The following TRIM31 variants were observed in gnomAD, a reference collection of about 807,000 sequenced individuals.
The protein encoded by TRIM31 is tripartite motif containing 31, also known as E3 ubiquitin-protein ligase TRIM31.
Under a neutral mutation model 40.6 loss-of-function variants are expected in TRIM31, and 31 were observed. The ratio of observed to expected loss-of-function variants is 0.76; its 90% CI spans 0.57 to 1.03. TRIM31 has a LOEUF of 1.03. Ranked by LOEUF, TRIM31 falls within the 50% of genes least tolerant of loss-of-function variation. The pLI is 0.00. For missense variants in TRIM31, 455 were observed against 497.5 expected (o/e 0.91, Z 0.81); for synonymous variants, 164 against 193.9 (o/e 0.85, Z 1.28).
intron 5 of TRIM31, 165 bp from the exon 6 acceptor site, chr6:30,108,333 T>G (rs1384747911): frequency 3.4e-6 from 2 of 587,800 alleles, no homozygotes; most frequent in Non-Finnish European, 6.1e-6. Flanking sequence ...CTGAGGCGGG[T>G]GGATCACCTG....
At chr6:30,106,253 G>C (rs1484251080) in intron 6 of TRIM31, among the ~76,000 whole-genome samples, 1 of 152,222 alleles carries the variant, frequency 6.6e-6, no homozygotes, top group Non-Finnish European at 1.5e-5. Flanking sequence ...AGCGTGGGTA[G>C]CTTCCCTGAG....
At chr6:30,109,124 G>A in intron 4 of TRIM31, 76 bp from the exon 5 acceptor site, 1 of 1,488,374 alleles carries the variant, frequency 6.7e-7, no homozygotes, top group South Asian at 1.1e-5. Context: ...TACAGAGCCT[G>A]CTGGGTGTGG....
chr6:30,106,349 A>G (rs1341359848), intron 6 of TRIM31, among the ~76,000 whole-genome samples: 1 of 152,152 alleles, frequency 6.6e-6, no homozygotes, highest in East Asian at 1.9e-4. Context: ...CATAGGAAAC[A>G]CTGCCTGGGA....
chr6:30,111,208 C>CTT (rs567538088), intron 3 of TRIM31: 1,681 of 164,318 alleles, frequency 0.01, 24 homozygotes, highest in African/African-American at 0.034. Flanking sequence ...AGTTTTCTTT[C>CTT]TTTTTTTTTT....
chr6:30,108,691 G>T (rs1204655358), intron 5 of TRIM31: 1 of 484,034 alleles, frequency 2.1e-6, no homozygotes, highest in Non-Finnish European at 3.7e-6. Flanking sequence ...ATGAAGATGG[G>T]AGATGGAGAC....
In TRIM31 at chr6:30,103,385, ACT is replaced by A; in HGVS notation, c.*149_*150del. The A allele has an allele frequency of 1.9e-6, 2 of 1,048,220 alleles. No individual in the cohort carries two copies. The highest frequency in any genetic ancestry group is 3.1e-5 in the South Asian group (2 of 65,302). 64.9% of individuals were successfully genotyped at this position (1,048,220 alleles called of 1,614,324 possible). A position where few individuals can be genotyped will look rare whatever the true frequency, so the allele number is the denominator to read the frequency against. ...CACCACCACCCCCGCCCCCATCTCC[ACT>A]CTCAGTAGCCCGAGCCCTCCCATTC... On this transcript the variant is annotated 3_prime_UTR_variant, in exon 9 of 9. Coordinates refer to ENST00000376734, the MANE Select transcript of TRIM31 (RefSeq NM_007028.5).
intron 5 of TRIM31, among the ~76,000 whole-genome samples, chr6:30,108,559 C>CAAAAAAAAAAAAAAAAAAAAAAAAA (rs28381623): frequency 1.0e-5 from 1 of 96,610 alleles, no homozygotes. Flanking sequence ...AGCTCCATCT[C>CAAAAAAAAAAAAAAAAAAAAAAAAA]AAAAAAAAAA....
At chr6:30,108,923 T>A in intron 5 of TRIM31, 103 bp downstream of exon 5, 2 of 1,208,008 alleles carry the variant, frequency 1.7e-6, no homozygotes, top group South Asian at 2.4e-5. Flanking sequence ...TAGAGGTGGG[T>A]GGGTATTTCT....
Position 30,112,857 on chromosome 6 carries a change from A to G in TRIM31, c.-52T>C, listed in dbSNP as rs1382562091. On this transcript the variant is annotated 5_prime_UTR_variant, in exon 2 of 9. Coordinates refer to ENST00000376734, the MANE Select transcript of TRIM31 (RefSeq NM_007028.5). ...CTGTAGGAAGCTGTGCCAAGTCTGTAGGAGCCCCGGAGTCCACTGTGGATA... is the reference window on the plus strand; with the variant it reads ...CTGTAGGAAGCTGTGCCAAGTCTGTGGGAGCCCCGGAGTCCACTGTGGATA... 2 of 1,532,670 alleles carry G rather than the reference A, an allele frequency of 1.3e-6. No homozygotes were observed. Among genetic ancestry groups the G allele is most frequent in the African/African-American group, 1.4e-5 (1 of 72,414 alleles). 94.9% of individuals were successfully genotyped at this position (1,532,670 alleles called of 1,614,324 possible). A position where few individuals can be genotyped will look rare whatever the true frequency, so the allele number is the denominator to read the frequency against.
rs762320186 is a variant in TRIM31, at chr6:30,103,761, A to G, written c.1053T>C (p.Asn351=). The G allele has an allele frequency of 2.5e-6, 4 of 1,612,960 alleles. No individual in the cohort carries two copies. Among genetic ancestry groups the G allele is most frequent in the Non-Finnish European group, 3.4e-6 (4 of 1,180,010 alleles). Residue 351 remains asparagine (N), a synonymous_variant, in exon 9 of 9, where the codon AAT becomes AAC. Coordinates refer to ENST00000376734, the MANE Select transcript of TRIM31 (RefSeq NM_007028.5). ...AGTGGGATGGGGCTGAAGAGTGGTGATTTGGTGGCCCCGATGTAGTTCTGC... is the reference window on the plus strand; with the variant it reads ...AGTGGGATGGGGCTGAAGAGTGGTGGTTTGGTGGCCCCGATGTAGTTCTGC... ...AGGRTTSGPP[N]HHSSAPSHSL...
rs1481460150 is a variant in TRIM31, at chr6:30,107,352, T to A, written c.883+701A>T. 2.3e-5 allele frequency among the ~76,000 whole-genome samples: 3 copies of A among 130,892 alleles called. No homozygotes were observed. In the Admixed American group the frequency reaches 2.7e-4, roughly 12 times the overall value. 85.9% of individuals were successfully genotyped at this position (130,892 alleles called of 152,430 possible). A position where few individuals can be genotyped will look rare whatever the true frequency, so the allele number is the denominator to read the frequency against. On this transcript the variant is annotated intron_variant, in intron 6 of 8. Coordinates refer to ENST00000376734, the MANE Select transcript of TRIM31 (RefSeq NM_007028.5). ...CCGTAGTCCCAAGGGGAAGTGTTTG[T>A]GTATGGGGGGCTGGGGGTTGGGGTG...
Position 30,112,573 on chromosome 6 carries a change from A to G in TRIM31, c.233T>C (p.Ile78Thr). ...CACCTCAGAGGCTTGTAGAGCTTGG[A>G]TTTTCTCCACCAGATTCCGCAACAG... is the stretch of plus-strand genomic sequence containing the variant. The part of the protein sequence containing the change: ...NSLLRNLVEK[I>T]QALQASEVQS... Residue 78 changes from isoleucine to threonine, a missense_variant, in exon 2 of 9, where the codon ATC (isoleucine) becomes ACC (threonine). Transcript: ENST00000376734. The G allele has an allele frequency of 6.2e-7, 1 of 1,612,866 alleles. No individual in the cohort carries two copies. The highest frequency in any genetic ancestry group is 1.1e-5 in the South Asian group (1 of 91,058).
Position 30,109,047 on chromosome 6 carries a change from T to G in TRIM31, c.746A>C (p.Asp249Ala). 2 of 1,612,948 alleles carry G rather than the reference T, an allele frequency of 1.2e-6. No homozygotes were observed. Among genetic ancestry groups the G allele is most frequent in the Non-Finnish European group, 1.7e-6 (2 of 1,180,016 alleles). Residue 249 changes from aspartate (D) to alanine (A), a missense_variant and splice_region_variant, in exon 5 of 9, where the codon GAT (aspartate) becomes GCT (alanine). Coordinates refer to ENST00000376734, the MANE Select transcript of TRIM31 (RefSeq NM_007028.5). ...ATACCTGCACAAGACGACTTTGATA[T>G]CCTAGAAGAGAAAGAGAAACAGCAC... Reference protein sequence around the residue: ...QNMPPRQLLEDIKVVLCRSEE... With the variant: ...QNMPPRQLLEAIKVVLCRSEE...
intron 2 of TRIM31, 132 bp from the exon 3 acceptor site, chr6:30,111,875 C>T (rs946462129): frequency 1.2e-6 from 1 of 808,992 alleles, no homozygotes; most frequent in Non-Finnish European, 2.0e-6. Flanking sequence ...ACTCGCCTTT[C>T]TCAAGCTGGC....
chr6:30,111,481 A>C (rs1769310907), intron 3 of TRIM31, 167 bp downstream of exon 3: 1 of 643,952 alleles, frequency 1.6e-6, no homozygotes, highest in Non-Finnish European at 2.7e-6. Flanking sequence ...TGTAATAGCG[A>C]GGCCGACGCG....
In TRIM31 at chr6:30,110,554, G is replaced by A. The variant is rs779017353; in HGVS notation, c.638C>T (p.Ala213Val). The change falls in exon 4 of 9, where the codon GCG (alanine) becomes GTG (valine). Residue 213 changes from alanine to valine, a missense_variant. Transcript: ENST00000376734. Reference protein sequence around the residue: ...IYWLGHEGTEAGKHYVASTEP... With the variant: ...IYWLGHEGTEVGKHYVASTEP... ...AGTGGAGGCAACATAGTGTTTCCCC[G>A]CTTCCGTTCCCTCATGACCCAGCCA... 19 of 1,614,014 alleles carry A rather than the reference G, an allele frequency of 1.2e-5. No individual in the cohort carries two copies. Among genetic ancestry groups the A allele is most frequent in the African/African-American group, 6.7e-5 (5 of 74,892 alleles).
At chr6:30,104,446 C>T (rs931938504) in intron 7 of TRIM31, among the ~76,000 whole-genome samples, 2 of 152,142 alleles carry the variant, frequency 1.3e-5, no homozygotes, top group Non-Finnish European at 2.9e-5. Context: ...TTCTAAACAC[C>T]GGTAGCTCCT....
chr6:30,103,313 C>T lies in TRIM31; in HGVS notation c.*223G>A. 1 of 693,248 alleles carries T rather than the reference C, an allele frequency of 1.4e-6. No homozygotes were observed. Among genetic ancestry groups the T allele is most frequent in the Non-Finnish European group, 2.4e-6 (1 of 413,902 alleles). 42.9% of individuals were successfully genotyped at this position (693,248 alleles called of 1,614,324 possible). ...GGCGGGTGGCTGGAGATTGTCTCTT[C>T]CCCTCCTTTTGCTCAAGAATTCGTC... On this transcript the variant is annotated 3_prime_UTR_variant, in exon 9 of 9. Coordinates refer to ENST00000376734, the MANE Select transcript of TRIM31 (RefSeq NM_007028.5).
chr6:30,110,534 A>T lies in TRIM31; in HGVS notation c.658T>A (p.Ser220Thr). The change falls in exon 4 of 9, where the codon TCC (serine) becomes ACC (threonine). Residue 220 changes from serine to threonine, a missense_variant. By Grantham distance (58) the Ser-to-Thr change is moderately conservative. Transcript: ENST00000376734. ...AGATCGTTCAACTGTGGCTCAGTGG[A>T]GGCAACATAGTGTTTCCCCGCTTCC... ...GTEAGKHYVASTEPQLNDLKK... is the reference protein window; with the variant it reads ...GTEAGKHYVATTEPQLNDLKK... 6 of 1,614,164 alleles carry T rather than the reference A, an allele frequency of 3.7e-6. No homozygotes were observed. The highest frequency in any genetic ancestry group is 5.1e-6 in the Non-Finnish European group (6 of 1,180,032).
Sources: allele counts gnomAD v4.1 joint callset (sites outside exome capture counted in the v4.1 genomes callset), GRCh38; gene constraint gnomAD v4.1.1; transcripts MANE v1.5; gene names NCBI Gene and HGNC (gene_info 2026-07-23, HGNC 2026-07-21).